The following AKAP6 variants were observed in gnomAD, a reference collection of about 807,000 sequenced individuals.
AKAP6 encodes A-kinase anchor protein 6.
In AKAP6, 58 loss-of-function variants were observed where a neutral mutation model predicts 188.5. The observed-to-expected ratio is 0.31, with a 90% confidence interval of 0.25 to 0.38. The LOEUF is 0.38. AKAP6 is among the 10% of genes least tolerant of loss of function. The pLI is 1.00. For missense variants in AKAP6, 2,710 were observed against 2,740.0 expected (o/e 0.99, Z 0.24); for synonymous variants, 989 against 998.6 (o/e 0.99, Z 0.18).
chr14:32,821,748 C>G lies in AKAP6; in HGVS notation c.3935C>G (p.Thr1312Ser). The change falls in exon 13 of 14, where the codon ACT (threonine) becomes AGT (serine). Residue 1312 changes from threonine (T) to serine (S), a missense_variant. Transcript: ENST00000280979. ...TTTCTGAAAAACAATCCAAAGGTCA[C>G]TGGCATGACACAGCCTAATGTTTTA... ...MPFLKNNPKV[T>S]GMTQPNVLTK... 6.2e-7 allele frequency: 1 copy of G among 1,613,812 alleles called. No homozygotes were observed. Among genetic ancestry groups the G allele is most frequent in the Non-Finnish European group, 8.5e-7 (1 of 1,179,918 alleles).
intron 9 of AKAP6, among the ~76,000 whole-genome samples, chr14:32,718,506 A>G (rs2030353866): frequency 6.6e-6 from 1 of 152,170 alleles, no homozygotes; most frequent in South Asian, 2.1e-4. Flanking sequence ...TCGCATTCTG[A>G]TCAAATGTTC....
intron 8 of AKAP6, among the ~76,000 whole-genome samples, chr14:32,683,070 C>T (rs892345173): frequency 1.3e-5 from 2 of 150,444 alleles, no homozygotes; most frequent in African/African-American, 2.5e-5. Context: ...CTTGGCTCAC[C>T]GCAACCTCCG....
chr14:32,668,317 A>T (rs1347240667), intron 7 of AKAP6, among the ~76,000 whole-genome samples: 1 of 152,082 alleles, frequency 6.6e-6, no homozygotes, highest in African/African-American at 2.4e-5. Context: ...CAATAGTTTG[A>T]TATGTTTGTT....
rs1226114308 is a variant in AKAP6 at position 32,546,129 on chromosome 14, A to G, written c.1476A>G (p.Lys492=). 6.2e-7 allele frequency: 1 copy of G among 1,613,876 alleles called. No individual in the cohort carries two copies. The highest frequency in any genetic ancestry group is 2.2e-5 in the East Asian group (1 of 44,882). Residue 492 remains lysine, a synonymous_variant, in exon 4 of 14, where the codon AAA becomes AAG. Transcript: ENST00000280979. The stretch of plus-strand genomic sequence containing the variant: ...GGCTTAACGACTGCTATAAAGAGAA[A>G]TCTCGACTTAAAAAGCCACACAAGA... The part of the protein sequence containing the change: ...LGRLNDCYKE[K]SRLKKPHKTS...
chr14:32,439,926 ATCTT>A (rs1392189334), intron 2 of AKAP6, among the ~76,000 whole-genome samples: 1 of 152,190 alleles, frequency 6.6e-6, no homozygotes, highest in African/African-American at 2.4e-5. Context: ...AAGACAAAAT[ATCTT>A]TCTTTTCTGC....
intron 2 of AKAP6, among the ~76,000 whole-genome samples, chr14:32,522,491 A>G (rs1409441541): frequency 7.2e-6 from 1 of 138,910 alleles, no homozygotes; most frequent in Admixed American, 7.1e-5. Context: ...CAAACTTACA[A>G]GAAAAAATCA....
intron 2 of AKAP6, among the ~76,000 whole-genome samples, chr14:32,444,887 G>A (rs770799589): frequency 2.6e-5 from 4 of 152,166 alleles, no homozygotes. Context: ...TTCTGTAATA[G>A]TGAGAGTCAG....
intron 12 of AKAP6, among the ~76,000 whole-genome samples, chr14:32,794,803 C>G (rs2033714992): frequency 6.6e-6 from 1 of 151,892 alleles, no homozygotes; most frequent in African/African-American, 2.4e-5. Context: ...CAGAGCTGAA[C>G]TGAAGGAGAT....
chr14:32,542,395 C>A (rs1380812191), intron 3 of AKAP6, among the ~76,000 whole-genome samples: 2 of 152,140 alleles, frequency 1.3e-5, no homozygotes, highest in Admixed American at 1.3e-4. Context: ...GTAAGACAAC[C>A]ATTTTCTGTG....
chr14:32,444,810 C>A lies in AKAP6; in HGVS notation c.324+10993C>A, dbSNP rs139190870. The stretch of plus-strand genomic sequence containing the variant: ...TATTAAAAGCCTCTATAAAGTAATT[C>A]AAGCAGTAGTATTAACAACAGCTGC... On this transcript the variant is annotated intron_variant, in intron 2 of 13. Coordinates refer to ENST00000280979, the MANE Select transcript of AKAP6 (RefSeq NM_004274.5). 3.7e-3 allele frequency among the ~76,000 whole-genome samples: 557 copies of A among 152,266 alleles called. 2 individuals carry two copies. The highest frequency in any genetic ancestry group is 5.8e-3 in the Non-Finnish European group (397 of 68,026).
intron 4 of AKAP6, among the ~76,000 whole-genome samples, chr14:32,556,941 T>A (rs1883715013): frequency 1.3e-5 from 2 of 152,028 alleles, no homozygotes; most frequent in Non-Finnish European, 2.9e-5. Flanking sequence ...TAAATTTCAA[T>A]GTAGTTCCCA....
At chr14:32,698,295 T>C (rs1172544079) in intron 9 of AKAP6, among the ~76,000 whole-genome samples, 2 of 152,142 alleles carry the variant, frequency 1.3e-5, no homozygotes, top group Non-Finnish European at 2.9e-5. Flanking sequence ...TCCTCTGTTC[T>C]AATCTGCTTT....
At chr14:32,400,755 T>C (rs1889061357) in intron 1 of AKAP6, among the ~76,000 whole-genome samples, 1 of 152,080 alleles carries the variant, frequency 6.6e-6, no homozygotes, top group Admixed American at 6.6e-5. Flanking sequence ...TGCATCTGAA[T>C]CTCCTGGAAT....
intron 1 of AKAP6, among the ~76,000 whole-genome samples, chr14:32,378,897 A>T (rs1888245907): frequency 1.4e-5 from 2 of 147,686 alleles, no homozygotes; most frequent in South Asian, 4.3e-4. Flanking sequence ...AGAGTGTAGG[A>T]TTCTTTTCTG....
rs1243335664 is a variant in AKAP6, at chr14:32,833,580, A to C, written c.*3775A>C. 2 of 152,196 alleles carry C rather than the reference A, an allele frequency of 1.3e-5. No individual in the cohort carries two copies. The highest frequency in any genetic ancestry group is 4.8e-5 in the African/African-American group (2 of 41,448). The allele number at this position is 152,196 out of a possible 1,614,324, so 9.4% of individuals were successfully genotyped here. ...GGCTTCTGGAAACCTGAGTTTGATG[A>C]CTTTGTTGTGTTTGGTTCATCCGGA... On this transcript the variant is annotated 3_prime_UTR_variant, in exon 14 of 14. Transcript: ENST00000280979.
At chr14:32,367,139 A>G (rs1887861739) in intron 1 of AKAP6, among the ~76,000 whole-genome samples, 1 of 152,194 alleles carries the variant, frequency 6.6e-6, no homozygotes, top group African/African-American at 2.4e-5. Context: ...CCATGAATGA[A>G]AGAGTCCCAC....
chr14:32,433,822 G>A lies in AKAP6; in HGVS notation c.324+5G>A, dbSNP rs1475546476. The A allele has an allele frequency of 6.2e-7, 1 of 1,610,314 alleles. No individual in the cohort carries two copies. The highest frequency in any genetic ancestry group is 1.7e-5 in the Admixed American group (1 of 59,980). On this transcript the variant is annotated splice_donor_5th_base_variant and intron_variant, in intron 2 of 13. Coordinates refer to ENST00000280979, the MANE Select transcript of AKAP6 (RefSeq NM_004274.5). ...GTACATCTAGTTCAACTAAAGGTAA[G>A]GCAAGGTCTGTGATCCTCTCAGGAT...
chr14:32,529,994 C>G, intron 2 of AKAP6, among the ~76,000 whole-genome samples: 1 of 59,710 alleles, frequency 1.7e-5, no homozygotes, highest in Non-Finnish European at 3.1e-5. Flanking sequence ...TTTTTGGAGA[C>G]AGGTTCTTGC....
intron 1 of AKAP6, among the ~76,000 whole-genome samples, chr14:32,374,483 T>C (rs1172594165): frequency 6.6e-6 from 1 of 152,168 alleles, no homozygotes; most frequent in African/African-American, 2.4e-5. Context: ...ATTAAGGGGA[T>C]GTTGATTCAT....
Sources: gnomAD v4.1 joint callset for allele counts (sites outside exome capture counted in the v4.1 genomes callset) on GRCh38, gnomAD v4.1.1 for gene constraint, MANE v1.5 for transcripts, NCBI Gene and HGNC (gene_info 2026-07-23, HGNC 2026-07-21) for gene names.